Variants in UGT1A4 observed in about 807,000 individuals in gnomAD.
UGT1A4 encodes the protein UDP glucuronosyltransferase family 1 member A4, also known as UDP-glucuronosyltransferase 1A4.
UGT1A4 carries 32 observed loss-of-function variants against 41.1 expected under a neutral mutation model. That is an observed-to-expected ratio of 0.78 (90% CI 0.59 to 1.05). UGT1A4 has a LOEUF of 1.05. Ranked by LOEUF, UGT1A4 falls within the 50% of genes least tolerant of loss-of-function variation. The probability of loss-of-function intolerance (pLI) is 0.00; values close to 1 mark genes in which losing one functional copy is unlikely to be tolerated. For missense variants in UGT1A4, 748 were observed against 677.4 expected (o/e 1.10, Z -1.16); for synonymous variants, 283 against 265.1 (o/e 1.07, Z -0.66).
At chr2:233,729,653 T>C (rs781239546) in intron 1 of UGT1A4, 1 of 1,613,906 alleles carries the variant, frequency 6.2e-7, no homozygotes, top group East Asian at 2.2e-5. Flanking sequence ...TTGAGGAACA[T>C]TCCATGTGAT....
rs1042595424 is a variant in UGT1A4 at position 233,772,592 on chromosome 2, C to T, written c.*33C>T. On this transcript the variant is annotated 3_prime_UTR_variant, in exon 5 of 5. Transcript: ENST00000373409. ...GTGGGAAATAAGGTAAAATTTTGAA[C>T]CATTCCCTAGTCATTTCCAAACTTG... The T allele has an allele frequency of 7.5e-6, 12 of 1,599,668 alleles. No homozygotes were observed. The highest frequency in any genetic ancestry group is 1.3e-5 in the African/African-American group (1 of 74,558).
intron 1 of UGT1A4, chr2:233,747,201 G>A: frequency 3.7e-6 from 6 of 1,604,878 alleles, no homozygotes; most frequent in Non-Finnish European, 4.3e-6. Flanking sequence ...AGCTGTCCGT[G>A]TCTTCTGCTG....
intron 1 of UGT1A4, among the ~76,000 whole-genome samples, chr2:233,759,710 G>C (rs746376626): frequency 6.6e-6 from 1 of 151,530 alleles, no homozygotes; most frequent in African/African-American, 2.4e-5. Context: ...GCGCGTGCTC[G>C]TGTGGTGGGC....
chr2:233,731,434 C>A (rs17862872), intron 1 of UGT1A4, among the ~76,000 whole-genome samples: 12,097 of 152,204 alleles, frequency 0.079, 644 homozygotes, highest in East Asian at 0.2. Flanking sequence ...ATCCCTCCCC[C>A]AGTCCCCCAC....
chr2:233,760,333 C>T (rs1559406714), intron 1 of UGT1A4: 2 of 1,614,052 alleles, frequency 1.2e-6, no homozygotes, highest in East Asian at 4.5e-5. Flanking sequence ...CCTGGGCCTG[C>T]TGCTGTGTGT....
chr2:233,735,959 A>G (rs1268805881), intron 1 of UGT1A4, among the ~76,000 whole-genome samples: 1 of 151,776 alleles, frequency 6.6e-6, no homozygotes, highest in Non-Finnish European at 1.5e-5. Flanking sequence ...CCTTCATTTC[A>G]ACTTTGGTGA....
chr2:233,752,750 C>G (rs1270384572), intron 1 of UGT1A4, among the ~76,000 whole-genome samples: 1 of 151,980 alleles, frequency 6.6e-6, no homozygotes, highest in African/African-American at 2.4e-5. Flanking sequence ...GTCTCTAAAA[C>G]AAACAAACAA....
chr2:233,743,667 C>A, intron 1 of UGT1A4: 1 of 1,367,226 alleles, frequency 7.3e-7, no homozygotes, highest in Non-Finnish European at 9.8e-7. Context: ...AAGGGGTCCT[C>A]GAAGGGCCTG....
chr2:233,742,736 T>C (rs1017364884), intron 1 of UGT1A4: 1 of 152,920 alleles, frequency 6.5e-6, no homozygotes, highest in Non-Finnish European at 1.5e-5. Context: ...GATTCAAATG[T>C]CTGACCTCCA....
chr2:233,766,292 T>C (rs1426642271), intron 1 of UGT1A4, among the ~76,000 whole-genome samples: 2 of 147,940 alleles, frequency 1.4e-5, no homozygotes, highest in African/African-American at 5.0e-5. Context: ...CTCGGTGGCC[T>C]GGGCTCTCCT....
chr2:233,751,259 G>T (rs1355908720), intron 1 of UGT1A4, among the ~76,000 whole-genome samples: 1 of 151,926 alleles, frequency 6.6e-6, no homozygotes, highest in Non-Finnish European at 1.5e-5. Context: ...GGGGCCTGTA[G>T]CCCCCTTTTT....
chr2:233,747,281 A>G, intron 1 of UGT1A4: 1 of 1,599,850 alleles, frequency 6.3e-7, no homozygotes, highest in Non-Finnish European at 8.5e-7. Context: ...CTCAGTGCCC[A>G]GCCCTGGGCT....
At chr2:233,724,012 T>G (rs1202631633) in intron 1 of UGT1A4, among the ~76,000 whole-genome samples, 1 of 75,726 alleles carries the variant, frequency 1.3e-5, no homozygotes, top group East Asian at 3.2e-4. Context: ...AAGCCGCCAT[T>G]GTCATCCTGG....
rs781623948 is a variant in UGT1A4, at chr2:233,772,355, G to A, written c.1401G>A (p.Met467Ile). ...CCGTGTTCTGGGTGGAGTTTGTGAT[G>A]AGGCACAAGGGCGCGCCACACCTGC... Reference protein sequence around the residue: ...DLAVFWVEFVMRHKGAPHLRP... With the variant: ...DLAVFWVEFVIRHKGAPHLRP... The change falls in exon 5 of 5, where the codon ATG (methionine) becomes ATA (isoleucine). Residue 467 changes from methionine to isoleucine, a missense_variant. Met to Ile is a conservative substitution (Grantham distance 10, BLOSUM62 1). Coordinates refer to ENST00000373409, the MANE Select transcript of UGT1A4 (RefSeq NM_007120.3). 1 of 1,614,130 alleles carries A rather than the reference G, an allele frequency of 6.2e-7. No homozygotes were observed. Among genetic ancestry groups the A allele is most frequent in the Non-Finnish European group, 8.5e-7 (1 of 1,180,056 alleles).
chr2:233,746,436 G>C (rs1200457799), intron 1 of UGT1A4, among the ~76,000 whole-genome samples: 1 of 151,690 alleles, frequency 6.6e-6, no homozygotes, highest in Non-Finnish European at 1.5e-5. Context: ...TATGTCTTCA[G>C]CTTAAAAAGA....
intron 1 of UGT1A4, chr2:233,729,374 C>T (rs143192251): frequency 1.1e-5 from 17 of 1,613,890 alleles, no homozygotes; most frequent in Non-Finnish European, 5.1e-6. Context: ...TATGCCATTT[C>T]GTGGACCCAG....
chr2:233,769,562 A>C lies in UGT1A4; in HGVS notation c.1307+1123A>C. The C allele has an allele frequency of 6.2e-7, 1 of 1,612,906 alleles. No homozygotes were observed. The highest frequency in any genetic ancestry group is 8.5e-7 in the Non-Finnish European group (1 of 1,179,830). ...GCAGCAGTCAGGAAGACAGATGTGA[A>C]GAGCTGGAGCATGTTCAGATGAGAG... On this transcript the variant is annotated intron_variant, in intron 4 of 4. Transcript: ENST00000373409. The surrounding 1 kb of genome is among the most constrained non-coding windows in gnomAD (Gnocchi z 4.4).
At chr2:233,764,983 T>A (rs1575807741) in intron 1 of UGT1A4, among the ~76,000 whole-genome samples, 1 of 152,200 alleles carries the variant, frequency 6.6e-6, no homozygotes, top group East Asian at 1.9e-4. Flanking sequence ...GGTCAGTGTC[T>A]GGGGCTTTCC....
intron 1 of UGT1A4, among the ~76,000 whole-genome samples, chr2:233,748,288 C>A (rs1342062213): frequency 1.3e-5 from 2 of 151,844 alleles, no homozygotes; most frequent in South Asian, 2.1e-4. Flanking sequence ...AAGAGGCAGA[C>A]ATGAATGTTT....
Sources: allele counts gnomAD v4.1 joint callset (sites outside exome capture counted in the v4.1 genomes callset), GRCh38; gene constraint gnomAD v4.1.1; non-coding constraint Gnocchi (gnomAD v3.1); transcripts MANE v1.5; gene names NCBI Gene and HGNC (gene_info 2026-07-23, HGNC 2026-07-21).